The following SBNO1 variants were observed in gnomAD, a reference collection of about 807,000 sequenced individuals.
The protein encoded by SBNO1 is strawberry notch homolog 1, also known as protein strawberry notch homolog 1.
In SBNO1, 23 loss-of-function variants were observed where a neutral mutation model predicts 173.6. The observed-to-expected ratio is 0.13, with a 90% CI of 0.10 to 0.19. The LOEUF (loss-of-function observed/expected upper bound fraction) is 0.19. Ranked by LOEUF, SBNO1 falls within the 10% of genes least tolerant of loss-of-function variation. SBNO1 has a pLI of 1.00. For missense variants in SBNO1, 1,238 were observed against 1,671.2 expected (o/e 0.74, Z 4.52); for synonymous variants, 632 against 571.5 (o/e 1.11, Z -1.51).
At chr12:123,336,690 T>TA (rs1271850823) in intron 5 of SBNO1, among the ~76,000 whole-genome samples, 199 bp from the exon 6 acceptor site, 1 of 152,202 alleles carries the variant, frequency 6.6e-6, no homozygotes, top group Admixed American at 6.5e-5. Context: ...AATGAGGTCC[T>TA]ACTCTGTCTC....
chr12:123,302,603 T>C (rs1360631068), intron 30 of SBNO1, among the ~76,000 whole-genome samples: 2 of 152,120 alleles, frequency 1.3e-5, no homozygotes, highest in African/African-American at 2.4e-5. Context: ...CAGACAACAG[T>C]TGGCTGGAAA....
intron 4 of SBNO1, among the ~76,000 whole-genome samples, chr12:123,341,307 G>T (rs1168318864): frequency 6.6e-6 from 1 of 151,968 alleles, no homozygotes; most frequent in Admixed American, 6.6e-5. Context: ...AAACAAGCTG[G>T]GCGTGGTGGC....
chr12:123,309,681 A>T, intron 26 of SBNO1, 29 bp downstream of exon 26: 1 of 1,609,416 alleles, frequency 6.2e-7, no homozygotes, highest in African/African-American at 1.3e-5. Flanking sequence ...CCCTGGGGAC[A>T]TTGTGGGGGG....
Position 123,326,339 on chromosome 12 carries a change from A to C in SBNO1, c.1693-5T>G. ...CCGCTCTCTGGCGATGACCCACTGA[A>C]GATACATAATCAACATTTCAGACAC... On this transcript the variant is annotated splice_region_variant and splice_polypyrimidine_tract_variant and intron_variant, in intron 13 of 31. Coordinates refer to ENST00000602398, the MANE Select transcript of SBNO1 (RefSeq NM_001167856.3). 6.4e-7 allele frequency: 1 copy of C among 1,574,436 alleles called. No individual in the cohort carries two copies. Among genetic ancestry groups the C allele is most frequent in the Non-Finnish European group, 8.6e-7 (1 of 1,159,054 alleles).
At chr12:123,311,931 G>T (rs1487240000) in intron 24 of SBNO1, among the ~76,000 whole-genome samples, 2 of 149,432 alleles carry the variant, frequency 1.3e-5, no homozygotes, top group East Asian at 3.9e-4. Flanking sequence ...TTAGAGAGGG[G>T]GTTTCTCCAT....
chr12:123,317,074 G>A, intron 21 of SBNO1, 147 bp downstream of exon 21: 1 of 772,322 alleles, frequency 1.3e-6, no homozygotes, highest in Non-Finnish European at 2.1e-6. Flanking sequence ...CCGGACTCAA[G>A]TTATCCTCCC....
At chr12:123,346,165 C>T (rs1873110567) in intron 3 of SBNO1, among the ~76,000 whole-genome samples, 1 of 152,154 alleles carries the variant, frequency 6.6e-6, no homozygotes, top group Non-Finnish European at 1.5e-5. Flanking sequence ...CCTGCATTTC[C>T]AGCTAATTGG....
intron 4 of SBNO1, 96 bp downstream of exon 4, chr12:123,345,161 TG>T: frequency 9.7e-7 from 1 of 1,033,332 alleles, no homozygotes; most frequent in Non-Finnish European, 1.4e-6. Flanking sequence ...CACCCTTTTA[TG>T]GCCAGTTCTT....
At chr12:123,321,779 T>G in intron 16 of SBNO1, 47 bp from the exon 17 acceptor site, 1 of 1,466,538 alleles carries the variant, frequency 6.8e-7, no homozygotes, top group Admixed American at 1.7e-5. Context: ...TCAATGTTTC[T>G]TAAGATCCAG....
chr12:123,331,484 A>G, intron 7 of SBNO1, 109 bp from the exon 8 acceptor site: 1 of 990,724 alleles, frequency 1.0e-6, no homozygotes, highest in Non-Finnish European at 1.5e-6. Flanking sequence ...TGTTTTGTAT[A>G]TGTATTTTGT....
chr12:123,317,182 A>G, intron 21 of SBNO1, 39 bp downstream of exon 21: 2 of 1,608,544 alleles, frequency 1.2e-6, no homozygotes, highest in Non-Finnish European at 1.7e-6. Flanking sequence ...AATGATTCCT[A>G]GCTATCCATT....
intron 15 of SBNO1, 128 bp from the exon 16 acceptor site, chr12:123,323,959 T>C (rs530840458): frequency 5.8e-6 from 4 of 688,460 alleles, no homozygotes; most frequent in African/African-American, 5.6e-5. Flanking sequence ...CTCAAATAAA[T>C]TTTAATTTTC....
At chr12:123,351,625 A>C (rs1275953001) in intron 1 of SBNO1, among the ~76,000 whole-genome samples, 7 of 152,168 alleles carry the variant, frequency 4.6e-5, no homozygotes, top group African/African-American at 1.7e-4. Context: ...AACTCAGTAA[A>C]GATAGAAAAA....
chr12:123,350,931 G>A (rs1475715452), intron 1 of SBNO1, among the ~76,000 whole-genome samples: 4 of 152,108 alleles, frequency 2.6e-5, no homozygotes, highest in Non-Finnish European at 5.9e-5. Context: ...AGACCAGCCC[G>A]GCCAAAATGG....
rs188416388 is a variant in SBNO1, at chr12:123,311,046, T to C, written c.3295+9A>G. On this transcript the variant is annotated intron_variant, in intron 25 of 31. Coordinates refer to ENST00000602398, the MANE Select transcript of SBNO1 (RefSeq NM_001167856.3). ...CAGTTATATGCCCACACAAAGCTAA[T>C]AGTAGTACCTTTATCGAGAGTAAGA... is the stretch of plus-strand genomic sequence containing the variant. 31 of 1,592,206 alleles carry C rather than the reference T, an allele frequency of 1.9e-5. No homozygotes were observed. The African/African-American group carries it at 2.3e-4, about 12-fold the overall frequency.
At chr12:123,317,113 C>T (rs1317277341) in intron 21 of SBNO1, 108 bp downstream of exon 21, 16 of 1,145,000 alleles carry the variant, frequency 1.4e-5, no homozygotes, top group Non-Finnish European at 1.9e-5. Flanking sequence ...GTTGGAATTA[C>T]AGGCGTGAGC....
intron 17 of SBNO1, 134 bp from the exon 18 acceptor site, chr12:123,321,000 CG>C: frequency 1.5e-6 from 1 of 668,968 alleles, no homozygotes; most frequent in Non-Finnish European, 2.4e-6. Flanking sequence ...AGTGCAATGG[CG>C]CAATCTCAGC....
chr12:123,350,212 C>A lies in SBNO1; in HGVS notation c.132+98G>T, dbSNP rs530020258. 6.0e-4 allele frequency: 826 copies of A among 1,384,800 alleles called. 1 individual carries two copies. The highest frequency in any genetic ancestry group is 7.6e-4 in the Non-Finnish European group (760 of 995,818). The allele number at this position is 1,384,800 out of a possible 1,614,324, so 85.8% of individuals were successfully genotyped here. On this transcript the variant is annotated intron_variant, in intron 2 of 31. Coordinates refer to ENST00000602398, the MANE Select transcript of SBNO1 (RefSeq NM_001167856.3). The stretch of plus-strand genomic sequence containing the variant: ...GAGGCTTCAGTAAGCCATGACTGCA[C>A]CACTGCACCCCAGCCTGGGCCACAG...
At chr12:123,330,324 A>G in intron 9 of SBNO1, 95 bp downstream of exon 9, 3 of 765,956 alleles carry the variant, frequency 3.9e-6, no homozygotes, top group South Asian at 1.6e-5. Context: ...AAGTTTTCCA[A>G]AAAGTGTCCC....
Sources: allele counts gnomAD v4.1 joint callset (sites outside exome capture counted in the v4.1 genomes callset), GRCh38; gene constraint gnomAD v4.1.1; transcripts MANE v1.5; gene names NCBI Gene and HGNC (gene_info 2026-07-23, HGNC 2026-07-21).